STX1A: variants seen among roughly 807,000 people sequenced by gnomAD.
STX1A encodes syntaxin 1A.
STX1A carries 4 observed loss-of-function variants against 37.8 expected under a neutral mutation model. The ratio of observed to expected loss-of-function variants is 0.11; its 90% CI spans 0.05 to 0.24. The LOEUF is 0.24. STX1A is among the 10% of genes least tolerant of loss of function. The pLI is 1.00. For missense variants in STX1A, 251 were observed against 399.9 expected (o/e 0.63, Z 3.18); for synonymous variants, 135 against 147.4 (o/e 0.92, Z 0.61).
chr7:73,701,031 C>T (rs1798633911), intron 8 of STX1A, 191 bp from the exon 9 acceptor site: 1 of 1,101,344 alleles, frequency 9.1e-7, no homozygotes, highest in Non-Finnish European at 1.3e-6. Flanking sequence ...CTCCCCAAGG[C>T]AGCTCCCACA....
Position 73,705,550 on chromosome 7 carries a change from C to T in STX1A, c.209-326G>A, listed in dbSNP as rs1250559482. 2 of 309,252 alleles carry T rather than the reference C, an allele frequency of 6.5e-6. No homozygotes were observed. The highest frequency in any genetic ancestry group is 3.6e-5 in the South Asian group (1 of 27,704). The allele number at this position is 309,252 out of a possible 1,614,324, so 19.2% of individuals were successfully genotyped here. A position where few individuals can be genotyped will look rare whatever the true frequency, so the allele number is the denominator to read the frequency against. On this transcript the variant is annotated intron_variant, in intron 3 of 9. Transcript: ENST00000222812. The surrounding 1 kb of genome is among the most constrained non-coding windows in gnomAD (Gnocchi z 5.2). The stretch of plus-strand genomic sequence containing the variant: ...GAGCAGCTGGCGATGCTGGAGTTGG[C>T]GCCGGGAACAGTGACTTGATGCTTG...
At position 73,700,326 on chromosome 7, in the gene STX1A, G is replaced by T; in HGVS notation, c.*81C>A. The T allele has an allele frequency of 7.0e-7, 1 of 1,437,930 alleles. No individual in the cohort carries two copies. The highest frequency in any genetic ancestry group is 9.8e-7 in the Non-Finnish European group (1 of 1,025,536). 89.1% of individuals were successfully genotyped at this position (1,437,930 alleles called of 1,614,324 possible). ...GCTCTGAGCCAGAGGCGGGGGTTGGGAGGGCAGCCCAGCCAGGTGGCAGCA... is the reference window on the plus strand; with the variant it reads ...GCTCTGAGCCAGAGGCGGGGGTTGGTAGGGCAGCCCAGCCAGGTGGCAGCA... On this transcript the variant is annotated 3_prime_UTR_variant, in exon 10 of 10. Coordinates refer to ENST00000222812, the MANE Select transcript of STX1A (RefSeq NM_004603.4). The surrounding 1 kb of genome is among the most constrained non-coding windows in gnomAD (Gnocchi z 4.4).
chr7:73,704,247 G>A lies in STX1A; in HGVS notation c.367C>T (p.Leu123=). ...LRIRKTQHST[L]SRKFVEVMSE... is the part of the protein sequence containing the mutation. The stretch of plus-strand genomic sequence containing the variant: ...ATGACCTCCACAAACTTTCTGGACA[G>A]CGTGGAGTGCTGGGGGCCCGAGATG... Residue 123 remains leucine (L), a synonymous_variant, in exon 6 of 10, where the codon CTG becomes TTG. Transcript: ENST00000222812. The A allele has an allele frequency of 1.1e-5, 18 of 1,614,104 alleles. No homozygotes were observed. Among genetic ancestry groups the A allele is most frequent in the Non-Finnish European group, 1.5e-5 (18 of 1,180,024 alleles).
In STX1A at chr7:73,700,945, G is replaced by A. The variant is rs1440308346; in HGVS notation, c.679-105C>T. The A allele has an allele frequency of 5.2e-6, 8 of 1,550,440 alleles. No individual in the cohort carries two copies. The highest frequency in any genetic ancestry group is 6.9e-6 in the Non-Finnish European group (8 of 1,153,276). On this transcript the variant is annotated intron_variant, in intron 8 of 9. Coordinates refer to ENST00000222812, the MANE Select transcript of STX1A (RefSeq NM_004603.4). This position sits in a 1 kb window ranked among gnomAD's most constrained non-coding sequence, Gnocchi z 4.4. ...AGCACCCTGAGGCTAGAGACAAAAA[G>A]GGGGCGTGAGGAGGTTAGGGTACAG...
At chr7:73,710,852 G>A (rs541230700) in intron 1 of STX1A, among the ~76,000 whole-genome samples, 2 of 152,298 alleles carry the variant, frequency 1.3e-5, no homozygotes, top group Admixed American at 1.3e-4. Context: ...GAACTGATGG[G>A]ACTCATCAGG....
chr7:73,718,847 G>A (rs1799386115), intron 1 of STX1A, among the ~76,000 whole-genome samples: 1 of 151,950 alleles, frequency 6.6e-6, no homozygotes. Context: ...GGGTTTCCCA[G>A]ATACAGGTAG....
At chr7:73,701,125 C>T (rs1403804318) in intron 8 of STX1A, 15 of 606,106 alleles carry the variant, frequency 2.5e-5, no homozygotes, top group Admixed American at 8.9e-5. Context: ...AGAACACTGT[C>T]AGAGATGTGG....
intron 7 of STX1A, 178 bp downstream of exon 7, chr7:73,703,577 C>A: frequency 1.2e-6 from 1 of 805,212 alleles, no homozygotes. Context: ...TCCACCTTTG[C>A]CGCTGACATT....
rs1798607643 is a variant in STX1A, at chr7:73,700,426, A to G, written c.848T>C (p.Val283Ala). The G allele has an allele frequency of 6.2e-7, 1 of 1,614,038 alleles. No individual in the cohort carries two copies. Among genetic ancestry groups the G allele is most frequent in the Non-Finnish European group, 8.5e-7 (1 of 1,179,972 alleles). ...TGGCTTCTAGGCGAAGATGCCCCCA[A>G]CAGTGGAGGCGATGACGATGCCCAG... ...VILGIVIAST[V>A]GGIFA is the part of the protein sequence containing the mutation. Residue 283 changes from valine to alanine, a missense_variant, in exon 10 of 10, where the codon GTT (valine) becomes GCT (alanine). Val to Ala is a moderately conservative substitution (Grantham distance 64, BLOSUM62 0). Around this residue, in one of 2 missense-constraint regions of STX1A, gnomAD observed 214 missense variants for 367.6 expected, o/e 0.58. Transcript: ENST00000222812. The surrounding 1 kb of genome is among the most constrained non-coding windows in gnomAD (Gnocchi z 4.4).
rs782413114 is a variant in STX1A, at chr7:73,700,454, T to C, written c.820A>G (p.Ile274Val). The change falls in exon 10 of 10, where the codon ATC (isoleucine) becomes GTC (valine). Residue 274 changes from isoleucine (I) to valine (V), a missense_variant. Around this residue, in one of 2 missense-constraint regions of STX1A, gnomAD observed 214 missense variants for 367.6 expected, o/e 0.58. Transcript: ENST00000222812. The surrounding 1 kb of genome is among the most constrained non-coding windows in gnomAD (Gnocchi z 4.4). ...KKIMIIICCV[I>V]LGIVIASTVG... ...GTGGAGGCGATGACGATGCCCAGGA[T>C]CACACAGCAGATGATGATCATGATT... 6.2e-7 allele frequency: 1 copy of C among 1,613,894 alleles called. No individual in the cohort carries two copies. Among genetic ancestry groups the C allele is most frequent in the South Asian group, 1.1e-5 (1 of 91,072 alleles).
rs1194765602 is a variant in STX1A, at chr7:73,705,553, C to T, written c.209-329G>A. The T allele has an allele frequency of 2.0e-5, 6 of 307,036 alleles. No homozygotes were observed. Among genetic ancestry groups the T allele is most frequent in the Admixed American group, 4.6e-5 (1 of 21,858 alleles). The allele number at this position is 307,036 out of a possible 1,614,324, so 19.0% of individuals were successfully genotyped here. ...CAGCTGGCGATGCTGGAGTTGGCGC[C>T]GGGAACAGTGACTTGATGCTTGCTG... On this transcript the variant is annotated intron_variant, in intron 3 of 9. Coordinates refer to ENST00000222812, the MANE Select transcript of STX1A (RefSeq NM_004603.4). The surrounding 1 kb of genome is among the most constrained non-coding windows in gnomAD (Gnocchi z 5.2).
At chr7:73,713,407 T>C (rs1799174083) in intron 1 of STX1A, among the ~76,000 whole-genome samples, 1 of 152,190 alleles carries the variant, frequency 6.6e-6, no homozygotes, top group Non-Finnish European at 1.5e-5. Flanking sequence ...GTCTTCCTGG[T>C]GTCTTGGGCT....
chr7:73,708,262 C>CAAAAAAAAAAAAAAAAAA (rs1157786155), intron 3 of STX1A, among the ~76,000 whole-genome samples: 1 of 49,756 alleles, frequency 2.0e-5, no homozygotes, highest in Non-Finnish European at 4.2e-5. Flanking sequence ...GACTCCATCT[C>CAAAAAAAAAAAAAAAAAA]AAAAAAAAAA....
chr7:73,708,120 C>T (rs1181366004), intron 3 of STX1A, among the ~76,000 whole-genome samples: 9 of 150,684 alleles, frequency 6.0e-5, no homozygotes, highest in Non-Finnish European at 1.2e-4. Flanking sequence ...AAAAATTAGC[C>T]GGGCATGGTG....
At chr7:73,703,185 C>T (rs949475673) in intron 7 of STX1A, among the ~76,000 whole-genome samples, 2 of 152,202 alleles carry the variant, frequency 1.3e-5, no homozygotes, top group Admixed American at 1.3e-4. Flanking sequence ...CAATCTCCTA[C>T]CTGTAACGTG....
rs1240402507 is a variant in STX1A, at chr7:73,707,840, TAGG to T, written c.208+746_208+748del. ...ATCCCAGCTACTTGGGAGGCTGACG[TAGG>T]AGAATTGCTTGAACCTGGGAGGCGG... On this transcript the variant is annotated intron_variant, in intron 3 of 9. Transcript: ENST00000222812. Among the ~76,000 whole-genome samples the T allele has an allele frequency of 3.0e-5, 4 of 134,152 alleles. No individual in the cohort carries two copies. The East Asian group carries it at 9.2e-4, about 31-fold the overall frequency. The allele number at this position is 134,152 out of a possible 152,430, so 88.0% of individuals were successfully genotyped here. A position where few individuals can be genotyped will look rare whatever the true frequency, so the allele number is the denominator to read the frequency against.
At chr7:73,708,133 G>A (rs112663950) in intron 3 of STX1A, among the ~76,000 whole-genome samples, 27 of 150,872 alleles carry the variant, frequency 1.8e-4, no homozygotes, top group African/African-American at 5.1e-4. Context: ...GCATGGTGGC[G>A]CGTGCCTGTA....
intron 6 of STX1A, 129 bp from the exon 7 acceptor site, chr7:73,703,957 C>A: frequency 9.4e-7 from 1 of 1,067,238 alleles, no homozygotes; most frequent in Non-Finnish European, 1.3e-6. Context: ...CCTCAGGCCC[C>A]GCCCCCCCGG....
intron 1 of STX1A, among the ~76,000 whole-genome samples, chr7:73,713,092 G>A (rs1563578182): frequency 6.6e-6 from 1 of 152,166 alleles, no homozygotes; most frequent in Non-Finnish European, 1.5e-5. Context: ...TTCGAGTGAA[G>A]GACCTTCTTC....
Sources: allele counts gnomAD v4.1 joint callset (sites outside exome capture counted in the v4.1 genomes callset), GRCh38; gene constraint gnomAD v4.1.1; regional missense constraint gnomAD v4.1.1; non-coding constraint Gnocchi (gnomAD v3.1); transcripts MANE v1.5; gene names NCBI Gene and HGNC (gene_info 2026-07-23, HGNC 2026-07-21).